The following SYT1 variants were observed in gnomAD, a reference collection of about 807,000 sequenced individuals.
SYT1 encodes the protein synaptotagmin 1, also known as synaptotagmin-1.
A neutral mutation model predicts 44.8 loss-of-function variants in SYT1; 8 were observed. The observed-to-expected ratio is 0.18, with a 90% confidence interval of 0.10 to 0.32. SYT1 has a LOEUF of 0.32. Ranked by LOEUF, SYT1 falls within the 10% of genes least tolerant of loss-of-function variation. The pLI, the probability that SYT1 is intolerant of heterozygous loss-of-function variation, is 1.00. For missense variants in SYT1, 286 were observed against 509.3 expected (o/e 0.56, Z 4.22); for synonymous variants, 154 against 188.8 (o/e 0.82, Z 1.51).
chr12:79,208,667 G>A (rs1874263066), intron 3 of SYT1, among the ~76,000 whole-genome samples: 2 of 152,144 alleles, frequency 1.3e-5, no homozygotes. Context: ...GATATTTAAA[G>A]GGGATTCTTA....
intron 3 of SYT1, among the ~76,000 whole-genome samples, chr12:79,119,635 G>T (rs1393749498): frequency 6.6e-6 from 1 of 151,792 alleles, no homozygotes; most frequent in East Asian, 1.9e-4. Flanking sequence ...AATTTGTAAG[G>T]GTCTTATATT....
At chr12:79,394,584 T>A (rs1884797747) in intron 9 of SYT1, among the ~76,000 whole-genome samples, 2 of 152,224 alleles carry the variant, frequency 1.3e-5, no homozygotes. Context: ...TTATGTCTCA[T>A]TTTAAAGGTT....
At chr12:79,021,841 C>T (rs1010697338) in intron 2 of SYT1, among the ~76,000 whole-genome samples, 6 of 151,770 alleles carry the variant, frequency 4.0e-5, no homozygotes, top group Non-Finnish European at 8.8e-5. Context: ...ATTTAACTCA[C>T]TCATTAACAT....
intron 1 of SYT1, among the ~76,000 whole-genome samples, chr12:78,897,932 C>G (rs1199663019): frequency 2.0e-5 from 3 of 151,934 alleles, no homozygotes; most frequent in Non-Finnish European, 2.9e-5. Context: ...AAGGGCCACC[C>G]AGAGCTTGGG....
chr12:79,016,178 C>A (rs1871794511), intron 2 of SYT1, among the ~76,000 whole-genome samples: 1 of 152,118 alleles, frequency 6.6e-6, no homozygotes, highest in Non-Finnish European at 1.5e-5. Flanking sequence ...CTAATAATAT[C>A]AAAGGTTTCA....
intron 2 of SYT1, among the ~76,000 whole-genome samples, chr12:78,978,653 CG>C (rs1869021316): frequency 6.6e-6 from 1 of 152,114 alleles, no homozygotes; most frequent in South Asian, 2.1e-4. Flanking sequence ...ATGAAGTAAA[CG>C]TGAGGTGATT....
At chr12:79,054,032 A>G (rs1006411455) in intron 3 of SYT1, among the ~76,000 whole-genome samples, 1 of 152,086 alleles carries the variant, frequency 6.6e-6, no homozygotes, top group African/African-American at 2.4e-5. Context: ...GCTGTTTAGT[A>G]GGCATTGAAC....
chr12:79,353,033 TC>T, intron 8 of SYT1, among the ~76,000 whole-genome samples: 1 of 152,288 alleles, frequency 6.6e-6, no homozygotes, highest in South Asian at 2.1e-4. Flanking sequence ...CAAATGCAAG[TC>T]CTTTTCCCAA....
chr12:78,933,065 A>T (rs990444307), intron 1 of SYT1, among the ~76,000 whole-genome samples: 1 of 152,184 alleles, frequency 6.6e-6, no homozygotes, highest in Non-Finnish European at 1.5e-5. Context: ...GAAAGCCTCT[A>T]AGCAGTCAAG....
At chr12:79,025,732 A>G (rs1872489338) in intron 2 of SYT1, among the ~76,000 whole-genome samples, 1 of 151,568 alleles carries the variant, frequency 6.6e-6, no homozygotes, top group Non-Finnish European at 1.5e-5. Context: ...GCATTCATAT[A>G]TATGTTTATG....
intron 9 of SYT1, chr12:79,392,749 T>C (rs1884707797): frequency 7.9e-6 from 1 of 126,182 alleles, no homozygotes; most frequent in African/African-American, 2.5e-5. Context: ...GAAGAGGCAA[T>C]CCTGAAAGCA....
At chr12:78,905,440 T>G (rs1227855715) in intron 1 of SYT1, among the ~76,000 whole-genome samples, 1 of 152,102 alleles carries the variant, frequency 6.6e-6, no homozygotes, top group Non-Finnish European at 1.5e-5. Flanking sequence ...CGGTGGTAAT[T>G]GAAGGAAAAC....
intron 3 of SYT1, among the ~76,000 whole-genome samples, chr12:79,089,048 C>G (rs1877593588): frequency 6.6e-6 from 1 of 151,520 alleles, no homozygotes; most frequent in African/African-American, 2.4e-5. Context: ...TGCAAAAGAC[C>G]AAGGAATTAA....
At chr12:79,338,144 C>CT (rs1034051447) in intron 8 of SYT1, among the ~76,000 whole-genome samples, 2 of 152,166 alleles carry the variant, frequency 1.3e-5, no homozygotes, top group African/African-American at 4.8e-5. Flanking sequence ...ACTTAGCCCT[C>CT]TACCGAGAGC....
At chr12:79,359,938 A>G (rs1332434257) in intron 9 of SYT1, among the ~76,000 whole-genome samples, 1 of 152,154 alleles carries the variant, frequency 6.6e-6, no homozygotes, top group Non-Finnish European at 1.5e-5. Context: ...AACATGTGAT[A>G]TTTTGCATAA....
intron 8 of SYT1, among the ~76,000 whole-genome samples, chr12:79,304,827 A>G (rs1036044600): frequency 2.2e-4 from 34 of 151,972 alleles, no homozygotes; most frequent in African/African-American, 8.2e-4. Flanking sequence ...GAATTATTTT[A>G]TAGTATATTA....
At chr12:79,014,448 A>G (rs901479522) in intron 2 of SYT1, among the ~76,000 whole-genome samples, 6 of 152,176 alleles carry the variant, frequency 3.9e-5, no homozygotes, top group African/African-American at 1.2e-4. Flanking sequence ...TGCAGCCAAA[A>G]TCACATGAAA....
At chr12:78,873,520 C>CTA (rs1465722817) in intron 1 of SYT1, among the ~76,000 whole-genome samples, 1 of 151,594 alleles carries the variant, frequency 6.6e-6, no homozygotes, top group Non-Finnish European at 1.5e-5. Flanking sequence ...TTAGTCATTG[C>CTA]TATATCACTG....
chr12:79,026,221 A>T (rs780821652), intron 2 of SYT1, among the ~76,000 whole-genome samples: 4 of 151,632 alleles, frequency 2.6e-5, no homozygotes, highest in Non-Finnish European at 5.9e-5. Context: ...AGGAAGAAGA[A>T]CTTTATTAAC....
Sources: gnomAD v4.1 joint callset for allele counts (sites outside exome capture counted in the v4.1 genomes callset) on GRCh38, gnomAD v4.1.1 for gene constraint, MANE v1.5 for transcripts, NCBI Gene and HGNC (gene_info 2026-07-23, HGNC 2026-07-21) for gene names.